Variants in SMARCD3 observed in about 807,000 individuals in gnomAD.
The protein encoded by SMARCD3 is SWI/SNF-related matrix-associated actin-dependent regulator of chromatin subfamily D member 3.
SMARCD3 carries 14 observed loss-of-function variants against 58.0 expected under a neutral mutation model. The observed-to-expected ratio is 0.24, with a 90% CI of 0.16 to 0.38. The LOEUF (loss-of-function observed/expected upper bound fraction) is 0.38. SMARCD3 is among the 10% of genes least tolerant of loss of function. SMARCD3 has a pLI of 1.00. For synonymous variants in SMARCD3, 253 were observed against 253.8 expected (o/e 1.00, Z 0.03); for missense variants, 408 against 636.9 (o/e 0.64, Z 3.87).
chr7:151,258,761 G>A (rs573803179), intron 2 of SMARCD3, among the ~76,000 whole-genome samples: 1 of 151,916 alleles, frequency 6.6e-6, no homozygotes, highest in Non-Finnish European at 1.5e-5. Flanking sequence ...CCTTCTCTCT[G>A]CCCTGGCTTC....
intron 2 of SMARCD3, among the ~76,000 whole-genome samples, chr7:151,259,609 T>TG (rs1803843720): frequency 6.1e-5 from 6 of 97,684 alleles, no homozygotes; most frequent in African/African-American, 2.8e-4. Flanking sequence ...GAGTTTTTTT[T>TG]TTTTTTTTTT....
At position 151,241,577 on chromosome 7, in the gene SMARCD3, T is replaced by C; in HGVS notation, c.854A>G (p.Gln285Arg). 6.2e-7 allele frequency: 1 copy of C among 1,611,414 alleles called. No individual in the cohort carries two copies. The highest frequency in any genetic ancestry group is 1.1e-5 in the South Asian group (1 of 90,390). Residue 285 changes from glutamine to arginine, a missense_variant, in exon 8 of 13, where the codon CAG becomes CGG. Gln to Arg is a conservative substitution (Grantham distance 43). Coordinates refer to ENST00000262188, the MANE Select transcript of SMARCD3 (RefSeq NM_001003801.2). This position sits in a 1 kb window ranked among gnomAD's most constrained non-coding sequence, Gnocchi z 5.3. ...GGTCTTCACATACTGCCACAGGGCCTGGACAATGGCTGAGCGGCTCTGTGT... is the reference window on the plus strand; with the variant it reads ...GGTCTTCACATACTGCCACAGGGCCCGGACAATGGCTGAGCGGCTCTGTGT... Reference protein sequence around the residue: ...LHTQSRSAIVQALWQYVKTNR... With the variant: ...LHTQSRSAIVRALWQYVKTNR...
chr7:151,247,439 G>A (rs1489845632), intron 1 of SMARCD3, among the ~76,000 whole-genome samples: 2 of 152,024 alleles, frequency 1.3e-5, no homozygotes, highest in Non-Finnish European at 2.9e-5. Context: ...AGTTATCAAG[G>A]CCAGGGATAC....
chr7:151,238,795 A>G lies in SMARCD3; in HGVS notation c.*308T>C, dbSNP rs764661585. On this transcript the variant is annotated 3_prime_UTR_variant, in exon 13 of 13. Transcript: ENST00000262188. ...TGTTGCTGTATTTTTTAAATATGAA[A>G]ATGTTATTAAACATGTCTTCTGCCA... The G allele has an allele frequency of 2.6e-6, 4 of 1,549,718 alleles. No individual in the cohort carries two copies. The highest frequency in any genetic ancestry group is 3.5e-6 in the Non-Finnish European group (4 of 1,152,524).
intron 2 of SMARCD3, among the ~76,000 whole-genome samples, chr7:151,261,979 C>A (rs922242874): frequency 1.3e-5 from 2 of 152,182 alleles, no homozygotes; most frequent in Admixed American, 1.3e-4. Flanking sequence ...AGGGGTCATG[C>A]TGTGGGAAGC....
chr7:151,276,468 G>A (rs966476335), intron 1 of SMARCD3, among the ~76,000 whole-genome samples: 1 of 145,536 alleles, frequency 6.9e-6, no homozygotes, highest in Non-Finnish European at 1.5e-5. Context: ...GGTGCCAGAC[G>A]AGGGAAGGAG....
At position 151,243,830 on chromosome 7, in the gene SMARCD3, GC is replaced by G; in HGVS notation, c.291-130del. On this transcript the variant is annotated intron_variant, in intron 2 of 12. Transcript: ENST00000262188. The surrounding 1 kb of genome is among the most constrained non-coding windows in gnomAD (Gnocchi z 4.4). ...GTTCCCACAGCCCACTTGTCTGCCC[GC>G]CCAAGGGCTGTGACGGTGGTGTGTG... The G allele has an allele frequency of 1.3e-6, 1 of 761,540 alleles. No homozygotes were observed. The highest frequency in any genetic ancestry group is 1.4e-5 in the South Asian group (1 of 69,770). The allele number at this position is 761,540 out of a possible 1,614,324, so 47.2% of individuals were successfully genotyped here.
upstream of SMARCD3, among the ~76,000 whole-genome samples, chr7:151,253,309 T>C (rs1343321292): frequency 6.6e-6 from 1 of 151,992 alleles, no homozygotes; most frequent in Non-Finnish European, 1.5e-5. Context: ...ACTCCCTCCG[T>C]CCTCCCCTCA....
chr7:151,248,846 G>A, upstream of SMARCD3: 1 of 248,886 alleles, frequency 4.0e-6, no homozygotes, highest in Non-Finnish European at 6.5e-6. This position sits in a 1 kb window ranked among gnomAD's most constrained non-coding sequence, Gnocchi z 6.1. Flanking sequence ...TTGACTCGGC[G>A]GGGACGGGGC....
intron 2 of SMARCD3, among the ~76,000 whole-genome samples, chr7:151,266,171 T>C (rs1804072545): frequency 6.6e-6 from 1 of 152,160 alleles, no homozygotes; most frequent in African/African-American, 2.4e-5. Context: ...TGTTTCACCA[T>C]GTTGGCCAGG....
Position 151,239,379 on chromosome 7 carries a change from C to T in SMARCD3, c.1398+17G>A. On this transcript the variant is annotated intron_variant, in intron 12 of 12. Coordinates refer to ENST00000262188, the MANE Select transcript of SMARCD3 (RefSeq NM_001003801.2). This position sits in a 1 kb window ranked among gnomAD's most constrained non-coding sequence, Gnocchi z 7.0. ...AGTTGAGGATGGGGAAGCCTCAGGG[C>T]AAGGGTCCCTGCATACCTTGCAGTA... 2.5e-6 allele frequency: 4 copies of T among 1,598,036 alleles called. No individual in the cohort carries two copies. The highest frequency in any genetic ancestry group is 3.4e-6 in the Non-Finnish European group (4 of 1,165,894).
At chr7:151,273,881 A>T (rs1235108818) in intron 2 of SMARCD3, among the ~76,000 whole-genome samples, 2 of 152,154 alleles carry the variant, frequency 1.3e-5, no homozygotes, top group Non-Finnish European at 2.9e-5. Context: ...CTGGAGGAGG[A>T]GGGGCACTGG....
intron 1 of SMARCD3, among the ~76,000 whole-genome samples, chr7:151,275,923 G>T (rs1795325852): frequency 6.6e-6 from 1 of 152,084 alleles, no homozygotes; most frequent in African/African-American, 2.4e-5. Context: ...ACAGAGGTGG[G>T]GCTTGGGAGT....
In SMARCD3 at chr7:151,239,137, T is replaced by G. The variant is rs1295025786; in HGVS notation, c.1418A>C (p.Glu473Ala). The change falls in exon 13 of 13, where the codon GAG becomes GCG. Residue 473 changes from glutamate (E) to alanine (A), a missense_variant. Around this residue, in one of 4 missense-constraint regions of SMARCD3, gnomAD observed 81 missense variants for 109.7 expected, o/e 0.74. Transcript: ENST00000262188. This position sits in a 1 kb window ranked among gnomAD's most constrained non-coding sequence, Gnocchi z 7.0. ...FYCKIQQRRQELEQSLVVRNT is the reference protein window; with the variant it reads ...FYCKIQQRRQALEQSLVVRNT ...GCGCACAACCAGCGACTGCTCCAGC[T>G]CCTGCCTGCGCTGCTGGATCTTTAG... is the stretch of plus-strand genomic sequence containing the variant. The G allele has an allele frequency of 1.2e-6, 2 of 1,614,174 alleles. No individual in the cohort carries two copies. The highest frequency in any genetic ancestry group is 2.2e-5 in the East Asian group (1 of 44,888).
In SMARCD3 at chr7:151,243,793, C is replaced by A. The variant is rs182979452; in HGVS notation, c.291-92G>T. ...GCTAGATTATCCCGACATCTCCGCC[C>A]GCCTGGCTGGGGTTCCCACAGCCCA... On this transcript the variant is annotated intron_variant, in intron 2 of 12. Transcript: ENST00000262188. The surrounding 1 kb of genome is among the most constrained non-coding windows in gnomAD (Gnocchi z 4.4). The A allele has an allele frequency of 2.2e-6, 2 of 923,946 alleles. No homozygotes were observed. 57.2% of individuals were successfully genotyped at this position (923,946 alleles called of 1,614,324 possible). A position where few individuals can be genotyped will look rare whatever the true frequency, so the allele number is the denominator to read the frequency against.
At chr7:151,272,047 C>T (rs1295938255) in intron 2 of SMARCD3, among the ~76,000 whole-genome samples, 1 of 152,162 alleles carries the variant, frequency 6.6e-6, no homozygotes, top group Non-Finnish European at 1.5e-5. Flanking sequence ...GCAATATTAC[C>T]AGTAGGTTTA....
intron 2 of SMARCD3, among the ~76,000 whole-genome samples, chr7:151,270,871 C>T (rs931784056): frequency 7.2e-5 from 11 of 151,966 alleles, no homozygotes; most frequent in Admixed American, 3.9e-4. Context: ...AGGGCAGTGA[C>T]GTGGGAAATC....
Position 151,245,613 on chromosome 7 carries a change from G to C in SMARCD3, c.137C>G (p.Pro46Arg). 2 of 1,172,604 alleles carry C rather than the reference G, an allele frequency of 1.7e-6. No homozygotes were observed. The highest frequency in any genetic ancestry group is 1.6e-5 in the African/African-American group (1 of 63,342). The allele number at this position is 1,172,604 out of a possible 1,614,324, so 72.6% of individuals were successfully genotyped here. The change falls in exon 2 of 13, where the codon CCG (proline) becomes CGG (arginine). Residue 46 changes from proline to arginine, a missense_variant. By Grantham distance (103) the Pro-to-Arg change is moderately radical (BLOSUM62 -2). Transcript: ENST00000262188. This position sits in a 1 kb window ranked among gnomAD's most constrained non-coding sequence, Gnocchi z 6.2. ...MPHQGAPMGPPGSPYMGSPAV... is the reference protein window; with the variant it reads ...MPHQGAPMGPRGSPYMGSPAV... ...GGGGCTGCCCATGTACGGGGAGCCCGGGGGGCCCATGGGCGCCCCCTGGTG... is the reference window on the plus strand; with the variant it reads ...GGGGCTGCCCATGTACGGGGAGCCCCGGGGGCCCATGGGCGCCCCCTGGTG...
rs1008596986 is a variant in SMARCD3, at chr7:151,238,905, C to T, written c.*198G>A. On this transcript the variant is annotated 3_prime_UTR_variant, in exon 13 of 13. Coordinates refer to ENST00000262188, the MANE Select transcript of SMARCD3 (RefSeq NM_001003801.2). Reference sequence around the variant, plus strand: ...GGAGTCGTCCCGAGGGACCCACTGCCTCCCCACCTTCTTCCCTTCCCCTTC... The same window carrying T: ...GGAGTCGTCCCGAGGGACCCACTGCTTCCCCACCTTCTTCCCTTCCCCTTC... The T allele has an allele frequency of 8.8e-7, 1 of 1,133,482 alleles. No homozygotes were observed. The highest frequency in any genetic ancestry group is 1.3e-6 in the Non-Finnish European group (1 of 789,800). 70.2% of individuals were successfully genotyped at this position (1,133,482 alleles called of 1,614,324 possible). A position where few individuals can be genotyped will look rare whatever the true frequency, so the allele number is the denominator to read the frequency against.
Sources: gnomAD v4.1 joint callset for allele counts (sites outside exome capture counted in the v4.1 genomes callset) on GRCh38, gnomAD v4.1.1 for gene constraint, gnomAD v4.1.1 regional missense constraint, Gnocchi (gnomAD v3.1) non-coding constraint, MANE v1.5 for transcripts, NCBI Gene and HGNC (gene_info 2026-07-23, HGNC 2026-07-21) for gene names.